The following SLC12A2 variants were observed in gnomAD, a reference collection of about 807,000 sequenced individuals.
SLC12A2 encodes the protein Na-K-2Cl cotransporter 1.
A neutral mutation model predicts 136.3 loss-of-function variants in SLC12A2; 67 were observed. The ratio of observed to expected loss-of-function variants is 0.49; its 90% confidence interval spans 0.40 to 0.60. The LOEUF is 0.60. Ranked by LOEUF, SLC12A2 falls within the 20% of genes least tolerant of loss-of-function variation. The pLI is 0.00. For synonymous variants in SLC12A2, 619 were observed against 562.9 expected, an observed-to-expected ratio of 1.10 and a Z score of -1.41; for missense variants, 1,322 against 1,534.7, an observed-to-expected ratio of 0.86 and a Z score of 2.32.
At chr5:128,125,466 A>T (rs1382830081) in intron 4 of SLC12A2, among the ~76,000 whole-genome samples, 1 of 152,066 alleles carries the variant, frequency 6.6e-6, no homozygotes, top group African/African-American at 2.4e-5. Flanking sequence ...TTCTTTTGGG[A>T]TGTAGTCACA....
At chr5:128,113,778 A>T (rs1276466783) in intron 2 of SLC12A2, among the ~76,000 whole-genome samples, 1 of 152,160 alleles carries the variant, frequency 6.6e-6, no homozygotes, top group Admixed American at 6.5e-5. Context: ...GGCATTTTGT[A>T]TCGACAAATA....
At chr5:128,091,314 G>A (rs1760309010) in intron 1 of SLC12A2, among the ~76,000 whole-genome samples, 1 of 152,050 alleles carries the variant, frequency 6.6e-6, no homozygotes, top group African/African-American at 2.4e-5. Flanking sequence ...CTCAAGATAG[G>A]GTTTCATTCT....
chr5:128,160,645 G>A (rs1763008200), intron 16 of SLC12A2, among the ~76,000 whole-genome samples: 1 of 151,962 alleles, frequency 6.6e-6, no homozygotes, highest in African/African-American at 2.4e-5. Context: ...TAGTTTTTTG[G>A]CATTGTGTTT....
chr5:128,170,145 T>G (rs1763326745), intron 18 of SLC12A2: 1 of 152,198 alleles, frequency 6.6e-6, no homozygotes, highest in Admixed American at 6.5e-5. Context: ...GCAAATCAAT[T>G]TTTATAGCTT....
chr5:128,180,205 C>T (rs991924485), intron 22 of SLC12A2, among the ~76,000 whole-genome samples: 2 of 151,780 alleles, frequency 1.3e-5, no homozygotes, highest in African/African-American at 4.8e-5. Context: ...CTCCTGACCT[C>T]GTGATCCACC....
chr5:128,138,370 A>G (rs1762252065), intron 7 of SLC12A2, among the ~76,000 whole-genome samples: 1 of 152,228 alleles, frequency 6.6e-6, no homozygotes, highest in African/African-American at 2.4e-5. Context: ...TTAGCGAGGT[A>G]TACAAAAAAT....
chr5:128,131,250 T>C, intron 5 of SLC12A2, 44 bp downstream of exon 5: 1 of 1,586,678 alleles, frequency 6.3e-7, no homozygotes, highest in Non-Finnish European at 8.7e-7. Flanking sequence ...AAATCTTTAT[T>C]GAGGGATTAT....
In SLC12A2 at chr5:128,083,891, T is replaced by G. The variant is rs931890476; in HGVS notation, c.-64T>G. 2 of 1,142,262 alleles carry G rather than the reference T, an allele frequency of 1.8e-6. No individual in the cohort carries two copies. Among genetic ancestry groups the G allele is most frequent in the Non-Finnish European group, 2.2e-6 (2 of 912,030 alleles). 70.8% of individuals were successfully genotyped at this position (1,142,262 alleles called of 1,614,324 possible). On this transcript the variant is annotated 5_prime_UTR_variant, in exon 1 of 27. Coordinates refer to ENST00000262461, the MANE Select transcript of SLC12A2 (RefSeq NM_001046.3). ...GGCTGTGGCCACCGCCGGCCAGGGGTGTGGAGGGCGTGCTGCCGGAGACGT... is the reference window on the plus strand; with the variant it reads ...GGCTGTGGCCACCGCCGGCCAGGGGGGTGGAGGGCGTGCTGCCGGAGACGT...
chr5:128,167,567 G>A lies in SLC12A2; in HGVS notation c.2617-194G>A, dbSNP rs1461258409. Among the ~76,000 whole-genome samples the A allele has an allele frequency of 2.0e-5, 3 of 151,852 alleles. No homozygotes were observed. In the East Asian group the frequency reaches 5.8e-4, roughly 29 times the overall value. ...TGTTTTATTTTTAAATTATATTTTT[G>A]TGTATGTTTAATTTTAAGTAATATC... On this transcript the variant is annotated intron_variant, in intron 17 of 26. Coordinates refer to ENST00000262461, the MANE Select transcript of SLC12A2 (RefSeq NM_001046.3).
chr5:128,127,291 T>G (rs936814358), intron 4 of SLC12A2, among the ~76,000 whole-genome samples: 1 of 151,568 alleles, frequency 6.6e-6, no homozygotes, highest in African/African-American at 2.4e-5. Flanking sequence ...CCAGCTAATT[T>G]TTTGTATTTT....
intron 4 of SLC12A2, among the ~76,000 whole-genome samples, chr5:128,130,190 T>A (rs1761963344): frequency 6.6e-6 from 1 of 152,068 alleles, no homozygotes; most frequent in Admixed American, 6.6e-5. Context: ...AGTGGGCAGA[T>A]CACTTGAGGT....
At chr5:128,108,654 G>A (rs1446061805) in intron 1 of SLC12A2, among the ~76,000 whole-genome samples, 2 of 152,142 alleles carry the variant, frequency 1.3e-5, no homozygotes, top group African/African-American at 4.8e-5. Context: ...GGGGAATTGA[G>A]GTATTTCTTT....
At chr5:128,153,738 T>C (rs1321152036) in intron 15 of SLC12A2, among the ~76,000 whole-genome samples, 1 of 152,122 alleles carries the variant, frequency 6.6e-6, no homozygotes, top group Middle Eastern at 3.2e-3. Context: ...CGTAGATAAA[T>C]GTCAAAAGAG....
chr5:128,181,780 T>A (rs1024839584), intron 23 of SLC12A2, among the ~76,000 whole-genome samples: 1 of 152,102 alleles, frequency 6.6e-6, no homozygotes, highest in Non-Finnish European at 1.5e-5. Flanking sequence ...CCCTATGCTC[T>A]AAACATGCAT....
intron 19 of SLC12A2, among the ~76,000 whole-genome samples, chr5:128,174,171 A>G (rs937375266): frequency 2.6e-5 from 4 of 152,186 alleles, no homozygotes; most frequent in Non-Finnish European, 4.4e-5. Context: ...TATATCCAAA[A>G]TGCTTGGAAC....
At chr5:128,115,008 C>T (rs1228659970) in intron 4 of SLC12A2, among the ~76,000 whole-genome samples, 1 of 152,180 alleles carries the variant, frequency 6.6e-6, no homozygotes. Flanking sequence ...GGCATTTGTT[C>T]AACATTGTAT....
rs1761076740 is a variant in SLC12A2 at position 128,109,735 on chromosome 5, T to A, written c.757-3079T>A. 3.3e-5 allele frequency: 38 copies of A among 1,136,440 alleles called. No homozygotes were observed. The East Asian group carries it at 8.7e-4, about 26-fold the overall frequency. 70.4% of individuals were successfully genotyped at this position (1,136,440 alleles called of 1,614,324 possible). A position where few individuals can be genotyped will look rare whatever the true frequency, so the allele number is the denominator to read the frequency against. On this transcript the variant is annotated intron_variant, in intron 1 of 26. Coordinates refer to ENST00000262461, the MANE Select transcript of SLC12A2 (RefSeq NM_001046.3). ...CACCAGAGGAGCAATTCACTAGAGT[T>A]GGAGTCCAGGTTTTAGACTAAAAGG...
At chr5:128,162,340 T>C (rs534992831) in intron 17 of SLC12A2, among the ~76,000 whole-genome samples, 5 of 151,930 alleles carry the variant, frequency 3.3e-5, no homozygotes, top group Admixed American at 2.0e-4. Flanking sequence ...ACTTAACATA[T>C]ATGACAAAGG....
At chr5:128,150,767 C>G (rs1013427240) in intron 13 of SLC12A2, among the ~76,000 whole-genome samples, 2 of 151,696 alleles carry the variant, frequency 1.3e-5, no homozygotes, top group African/African-American at 4.8e-5. Context: ...GTAGTCAGCT[C>G]TTAGTTTTTC....
Sources: allele counts gnomAD v4.1 joint callset (sites outside exome capture counted in the v4.1 genomes callset), GRCh38; gene constraint gnomAD v4.1.1; transcripts MANE v1.5; gene names NCBI Gene and HGNC (gene_info 2026-07-23, HGNC 2026-07-21).